COL13A1: variants seen among roughly 807,000 people sequenced by gnomAD.
The protein encoded by COL13A1 is collagen alpha-1(XIII) chain.
In COL13A1, 89 loss-of-function variants were observed where a neutral mutation model predicts 130.9. The observed-to-expected ratio is 0.68, with a 90% CI of 0.57 to 0.81. COL13A1 has a LOEUF of 0.81. Among genes scored for constraint, COL13A1 ranks in the 30% least tolerant of loss-of-function variants. COL13A1 has a pLI of 0.00. For missense variants in COL13A1, 879 were observed against 934.6 expected, an observed-to-expected ratio of 0.94 and a Z score of 0.78; for synonymous variants, 402 against 341.6, an observed-to-expected ratio of 1.18 and a Z score of -1.95.
intron 17 of COL13A1, among the ~76,000 whole-genome samples, chr10:69,910,612 T>C (rs917135352): frequency 1.3e-5 from 2 of 152,352 alleles, no homozygotes; most frequent in Non-Finnish European, 2.9e-5. Flanking sequence ...GCCCCTGTGC[T>C]GCCCCCATGC....
rs368875096 is a variant in COL13A1 at position 69,858,966 on chromosome 10, C to T, written c.365-8832C>T. Among the ~76,000 whole-genome samples the T allele has an allele frequency of 2.1e-4, 32 of 152,294 alleles. No individual in the cohort carries two copies. In the East Asian group the frequency reaches 3.1e-3, roughly 15 times the overall value. On this transcript the variant is annotated intron_variant, in intron 2 of 40. Transcript: ENST00000645393. ...CCTGCAAAACGGCGCATAATAGTAC[C>T]GAGACTGCCTGTCAGGGCAGTTAGA...
In COL13A1 at chr10:69,927,116, T is replaced by G; in HGVS notation, c.1422+6T>G. ...TCCGGACGCTGGCCTTGATGGTAAG[T>G]TTTGCTCCTCCTGGCTTTCCTTGGG... On this transcript the variant is annotated splice_donor_region_variant and intron_variant, in intron 27 of 40. Transcript: ENST00000645393. 6.2e-7 allele frequency: 1 copy of G among 1,613,214 alleles called. No individual in the cohort carries two copies. Among genetic ancestry groups the G allele is most frequent in the Non-Finnish European group, 8.5e-7 (1 of 1,179,732 alleles).
At chr10:69,804,612 G>A (rs1840948188) in intron 1 of COL13A1, among the ~76,000 whole-genome samples, 1 of 150,398 alleles carries the variant, frequency 6.6e-6, no homozygotes, top group South Asian at 2.1e-4. Context: ...CAGCCTCCTG[G>A]CCCTGTATAC....
chr10:69,937,782 G>A, intron 34 of COL13A1, 67 bp downstream of exon 34: 1 of 752,532 alleles, frequency 1.3e-6, no homozygotes, highest in Non-Finnish European at 2.4e-6. Context: ...GGGACTGGGG[G>A]ACAGCCAGCG....
At chr10:69,889,305 C>T in intron 9 of COL13A1, 109 bp from the exon 10 acceptor site, 3 of 1,373,062 alleles carry the variant, frequency 2.2e-6, no homozygotes, top group Non-Finnish European at 3.0e-6. Context: ...CAGGGAGGAG[C>T]ACGGGGGGCA....
At chr10:69,893,203 T>A (rs2061349347) in intron 10 of COL13A1, among the ~76,000 whole-genome samples, 1 of 152,020 alleles carries the variant, frequency 6.6e-6, no homozygotes, top group African/African-American at 2.4e-5. Context: ...AATGCAAGAG[T>A]TAGCCAAGCA....
intron 38 of COL13A1, 78 bp downstream of exon 38, chr10:69,947,420 T>C: frequency 7.4e-7 from 1 of 1,348,734 alleles, no homozygotes; most frequent in Non-Finnish European, 1.0e-6. Flanking sequence ...CGGTGATTCC[T>C]GACCAACATG....
intron 2 of COL13A1, among the ~76,000 whole-genome samples, chr10:69,844,003 C>T (rs570586223): frequency 1.3e-5 from 2 of 152,232 alleles, no homozygotes; most frequent in African/African-American, 4.8e-5. Flanking sequence ...TAGTCTTTAT[C>T]GTCCAGGAGA....
At chr10:69,811,929 T>C (rs1843136524) in intron 1 of COL13A1, among the ~76,000 whole-genome samples, 1 of 152,074 alleles carries the variant, frequency 6.6e-6, no homozygotes, top group Admixed American at 6.5e-5. Flanking sequence ...CCAGCTCTCC[T>C]GCCCACACCT....
chr10:69,914,066 G>A (rs1203860869), intron 17 of COL13A1, among the ~76,000 whole-genome samples: 2 of 152,182 alleles, frequency 1.3e-5, no homozygotes, highest in African/African-American at 2.4e-5. Context: ...AACAGGGGCT[G>A]AGGACAACCC....
intron 34 of COL13A1, among the ~76,000 whole-genome samples, 196 bp from the exon 35 acceptor site, chr10:69,940,792 C>T (rs1262486983): frequency 6.6e-6 from 1 of 152,212 alleles, no homozygotes; most frequent in African/African-American, 2.4e-5. Flanking sequence ...TTCAGTGTCT[C>T]CATGTTTTCG....
At chr10:69,808,004 C>T (rs781280213) in intron 1 of COL13A1, among the ~76,000 whole-genome samples, 2 of 152,192 alleles carry the variant, frequency 1.3e-5, no homozygotes, top group Non-Finnish European at 2.9e-5. Flanking sequence ...TTACTAGTGA[C>T]GGTTGGTGTT....
intron 10 of COL13A1, among the ~76,000 whole-genome samples, chr10:69,889,734 T>C (rs973153459): frequency 5.3e-5 from 8 of 152,070 alleles, no homozygotes; most frequent in African/African-American, 1.9e-4. Flanking sequence ...CAAACCACAC[T>C]CGCATGGGCC....
At position 69,895,551 on chromosome 10, in the gene COL13A1, G is replaced by A; in HGVS notation, c.659G>A (p.Gly220Asp). 2 of 1,613,952 alleles carry A rather than the reference G, an allele frequency of 1.2e-6. No individual in the cohort carries two copies. The highest frequency in any genetic ancestry group is 1.7e-6 in the Non-Finnish European group (2 of 1,179,878). Residue 220 changes from glycine to aspartate, a missense_variant and splice_region_variant, in exon 13 of 41, where the codon GGT (glycine) becomes GAT (aspartate). Physicochemically the swap from Gly to Asp is moderately conservative, Grantham distance 94 (BLOSUM62 -1). Coordinates refer to ENST00000645393, the MANE Select transcript of COL13A1 (RefSeq NM_001368882.1). Reference protein sequence around the residue: ...PGPQGQKGEKGQCGEYPHRLL... With the variant: ...PGPQGQKGEKDQCGEYPHRLL... ...CTTTCCCTTCCCTCTCCTTCCCAGG[G>A]TCAGTGTGGAGAGTACCCACACCGG...
At chr10:69,946,701 C>T (rs1007409429) in intron 37 of COL13A1, among the ~76,000 whole-genome samples, 7 of 152,252 alleles carry the variant, frequency 4.6e-5, no homozygotes, top group Admixed American at 4.6e-4. Context: ...GAACTGACCC[C>T]TCACCTGCGG....
chr10:69,932,453 C>A, intron 30 of COL13A1, 107 bp from the exon 31 acceptor site: 1 of 757,598 alleles, frequency 1.3e-6, no homozygotes, highest in Non-Finnish European at 2.3e-6. Flanking sequence ...CCTTGTTGAC[C>A]CCTAGACCAG....
chr10:69,927,470 T>G (rs1343581650), intron 27 of COL13A1, among the ~76,000 whole-genome samples: 2 of 152,192 alleles, frequency 1.3e-5, no homozygotes, highest in Non-Finnish European at 2.9e-5. Flanking sequence ...TTTCCCAACT[T>G]TTAGCTAATT....
chr10:69,817,999 G>A (rs1260184840), intron 1 of COL13A1, among the ~76,000 whole-genome samples: 1 of 152,106 alleles, frequency 6.6e-6, no homozygotes, highest in Non-Finnish European at 1.5e-5. Flanking sequence ...TGTGCCTGTG[G>A]TAGCTTTGCC....
intron 2 of COL13A1, among the ~76,000 whole-genome samples, chr10:69,850,998 T>G (rs1045312445): frequency 6.6e-6 from 1 of 152,160 alleles, no homozygotes; most frequent in African/African-American, 2.4e-5. Context: ...AAGGGGAATC[T>G]GGATGGCACA....
Sources: allele counts gnomAD v4.1 joint callset (sites outside exome capture counted in the v4.1 genomes callset), GRCh38; gene constraint gnomAD v4.1.1; transcripts MANE v1.5; gene names NCBI Gene and HGNC (gene_info 2026-07-23, HGNC 2026-07-21).